The following AANAT variants were observed in gnomAD, a reference collection of about 807,000 sequenced individuals.
The protein encoded by AANAT is serotonin N-acetyltransferase.
Under a neutral mutation model 15.6 loss-of-function variants are expected in AANAT, and 11 were observed. The observed-to-expected ratio is 0.71, with a 90% CI of 0.44 to 1.17. The LOEUF (loss-of-function observed/expected upper bound fraction) is 1.17, where lower values mean the gene tolerates loss of function less well. Ranked by LOEUF, AANAT falls within the 50% of genes most tolerant of loss-of-function variation. The pLI, the probability that AANAT is intolerant of heterozygous loss-of-function variation, is 0.00. For missense variants in AANAT, 286 were observed against 296.3 expected (o/e 0.97, Z 0.26); for synonymous variants, 139 against 131.5 (o/e 1.06, Z -0.39).
rs1354499717 is a variant in AANAT at position 76,469,857 on chromosome 17, T to G, written c.511T>G (p.Phe171Val). Residue 171 changes from phenylalanine to valine, a missense_variant, in exon 4 of 4, where the codon TTC becomes GTC. Physicochemically the swap from Phe to Val is conservative, Grantham distance 50. Transcript: ENST00000392492. This position sits in a 1 kb window ranked among gnomAD's most constrained non-coding sequence, Gnocchi z 5.2. ...EDALVPFYERFSFHAVGPCAI... is the reference protein window; with the variant it reads ...EDALVPFYERVSFHAVGPCAI... ...CGCGCTGGTACCCTTCTATGAGAGG[T>G]TCAGCTTCCACGCCGTGGGCCCCTG... The G allele has an allele frequency of 4.4e-6, 7 of 1,602,840 alleles. No individual in the cohort carries two copies. The highest frequency in any genetic ancestry group is 5.1e-6 in the Non-Finnish European group (6 of 1,176,242).
At chr17:76,468,313 C>T (rs1209627922) in intron 1 of AANAT, among the ~76,000 whole-genome samples, 4 of 152,136 alleles carry the variant, frequency 2.6e-5, no homozygotes, top group Non-Finnish European at 5.9e-5. Flanking sequence ...TCCTGCCTCC[C>T]CTCCCACCGT....
rs770800832 is a variant in AANAT, at chr17:76,468,913, A to G, written c.163+4A>G. The G allele has an allele frequency of 3.1e-6, 5 of 1,612,314 alleles. No individual in the cohort carries two copies. Among genetic ancestry groups the G allele is most frequent in the Non-Finnish European group, 4.2e-6 (5 of 1,179,484 alleles). On this transcript the variant is annotated splice_donor_region_variant and intron_variant, in intron 2 of 3. Transcript: ENST00000392492. The stretch of plus-strand genomic sequence containing the variant: ...GCCTTTGAGATCGAGCGTGAAGGTG[A>G]GTGGCCCCGCACAGGGTCAGAGGGA...
In AANAT at chr17:76,469,516, T is replaced by G; in HGVS notation, c.319-149T>G. 2 of 1,204,238 alleles carry G rather than the reference T, an allele frequency of 1.7e-6. No homozygotes were observed. The highest frequency in any genetic ancestry group is 2.2e-6 in the Non-Finnish European group (2 of 890,316). The allele number at this position is 1,204,238 out of a possible 1,614,324, so 74.6% of individuals were successfully genotyped here. On this transcript the variant is annotated intron_variant, in intron 3 of 3. Coordinates refer to ENST00000392492, the MANE Select transcript of AANAT (RefSeq NM_001088.3). This position sits in a 1 kb window ranked among gnomAD's most constrained non-coding sequence, Gnocchi z 5.2. ...AGTTTTCTCCATGGGGTTGGGGGTATGGCTCCCAATTTGGGGCCCTCCTTT... is the reference window on the plus strand; with the variant it reads ...AGTTTTCTCCATGGGGTTGGGGGTAGGGCTCCCAATTTGGGGCCCTCCTTT...
rs1404298237 is a variant in AANAT at position 76,468,635 on chromosome 17, G to A, written c.-75-37G>A. The A allele has an allele frequency of 1.1e-5, 17 of 1,505,678 alleles. No individual in the cohort carries two copies. In the South Asian group the frequency reaches 1.8e-4, roughly 16 times the overall value. 93.3% of individuals were successfully genotyped at this position (1,505,678 alleles called of 1,614,324 possible). On this transcript the variant is annotated intron_variant, in intron 1 of 3. Transcript: ENST00000392492. ...CTCTGGGGCCTGCCTCCCTGGAGAT[G>A]AGGATGAGACCCCTGTCCCTTGCTG...
upstream of AANAT, among the ~76,000 whole-genome samples, chr17:76,463,525 A>G (rs2073409044): frequency 6.6e-6 from 1 of 151,778 alleles, no homozygotes; most frequent in Admixed American, 6.6e-5. Flanking sequence ...CCAGACTGCT[A>G]TTGAACTCCT....
chr17:76,463,539 C>G (rs773324684), upstream of AANAT, among the ~76,000 whole-genome samples: 3 of 151,912 alleles, frequency 2.0e-5, no homozygotes, highest in Non-Finnish European at 2.9e-5. Flanking sequence ...AACTCCTGAC[C>G]TCGAGCTATC....
chr17:76,468,585 T>C, intron 1 of AANAT, 87 bp from the exon 2 acceptor site: 1 of 1,229,978 alleles, frequency 8.1e-7, no homozygotes, highest in Admixed American at 2.6e-5. Flanking sequence ...CCCCAGTTCC[T>C]GCTACAAAAG....
intron 1 of AANAT, chr17:76,459,109 G>A (rs1412731376): frequency 1.3e-5 from 2 of 152,278 alleles, no homozygotes; most frequent in Non-Finnish European, 2.9e-5. Context: ...GCTGGCCCTT[G>A]GCCATTCTGA....
In AANAT at chr17:76,469,982, C is replaced by G. The variant is rs763559000; in HGVS notation, c.*12C>G. The G allele has an allele frequency of 9.9e-5, 145 of 1,457,506 alleles. 1 individual carries two copies. The highest frequency in any genetic ancestry group is 1.3e-4 in the Non-Finnish European group (143 of 1,100,858). The allele number at this position is 1,457,506 out of a possible 1,614,324, so 90.3% of individuals were successfully genotyped here. ...ACAGCGGCTGCTGAACTGGGCTGCC[C>G]ACCTGGCTGCCAACATGATCCCCGT... On this transcript the variant is annotated 3_prime_UTR_variant, in exon 4 of 4. Transcript: ENST00000392492. The surrounding 1 kb of genome is among the most constrained non-coding windows in gnomAD (Gnocchi z 5.2).
chr17:76,453,415 G>A (rs922496419), exon 1 of AANAT: 9 of 287,370 alleles, frequency 3.1e-5, no homozygotes, highest in African/African-American at 1.5e-4. Flanking sequence ...GAAGGGGCGG[G>A]GACCCGGGAG....
At chr17:76,467,775 T>C in intron 1 of AANAT, 48 bp downstream of exon 1, 1 of 963,284 alleles carries the variant, frequency 1.0e-6, no homozygotes, top group Non-Finnish European at 1.2e-6. Context: ...GAACAGGAGC[T>C]TCTCTACTTG....
At chr17:76,453,626 AC>A (rs1158146084) in exon 1 of AANAT, 1 of 153,368 alleles carries the variant, frequency 6.5e-6, no homozygotes, top group Non-Finnish European at 1.5e-5. Context: ...AAACAAATAC[AC>A]ATTAAATAGA....
chr17:76,455,025 G>A (rs1330646673), intron 1 of AANAT, among the ~76,000 whole-genome samples: 2 of 152,188 alleles, frequency 1.3e-5, no homozygotes, highest in African/African-American at 4.8e-5. Flanking sequence ...TACTCGGAAG[G>A]CTGAGGCAGG....
At chr17:76,464,749 C>G (rs552231153), upstream of AANAT, among the ~76,000 whole-genome samples, 1 of 151,876 alleles carries the variant, frequency 6.6e-6, no homozygotes, top group South Asian at 2.1e-4. Flanking sequence ...TCTGTTACAG[C>G]ACCCCTGGGA....
At chr17:76,459,424 C>T (rs1462045812) in intron 2 of AANAT, 1 of 152,282 alleles carries the variant, frequency 6.6e-6, no homozygotes, top group Non-Finnish European at 1.5e-5. Context: ...GAGTTCTCAT[C>T]CTGATGGATG....
chr17:76,456,334 GAAA>G (rs60616607), intron 1 of AANAT, among the ~76,000 whole-genome samples: 67,247 of 142,674 alleles, frequency 0.47, 17,560 homozygotes, highest in Non-Finnish European at 0.59. Flanking sequence ...TCCATCTCAG[GAAA>G]AAAAAAAAAA....
At chr17:76,461,160 A>G (rs1322407188) in intron 2 of AANAT, among the ~76,000 whole-genome samples, 1 of 151,418 alleles carries the variant, frequency 6.6e-6, no homozygotes, top group Non-Finnish European at 1.5e-5. Flanking sequence ...GTGAGATTCC[A>G]TCTTAAAAAA....
intron 1 of AANAT, among the ~76,000 whole-genome samples, chr17:76,458,282 C>G (rs1197629530): frequency 6.6e-6 from 1 of 152,178 alleles, no homozygotes; most frequent in African/African-American, 2.4e-5. Context: ...GGACCTCACT[C>G]AGACCCAAGA....
chr17:76,468,659 T>C lies in AANAT; in HGVS notation c.-75-13T>C. 1 of 1,537,448 alleles carries C rather than the reference T, an allele frequency of 6.5e-7. No individual in the cohort carries two copies. The highest frequency in any genetic ancestry group is 8.7e-7 in the Non-Finnish European group (1 of 1,145,576). On this transcript the variant is annotated splice_polypyrimidine_tract_variant and intron_variant, in intron 1 of 3. Transcript: ENST00000392492. Reference sequence around the variant, plus strand: ...TGAGGATGAGACCCCTGTCCCTTGCTGTTCTCCAACAGGTGCTGGGAGGCC... The same window carrying C: ...TGAGGATGAGACCCCTGTCCCTTGCCGTTCTCCAACAGGTGCTGGGAGGCC...
Sources: allele counts gnomAD v4.1 joint callset (sites outside exome capture counted in the v4.1 genomes callset), GRCh38; gene constraint gnomAD v4.1.1; non-coding constraint Gnocchi (gnomAD v3.1); transcripts MANE v1.5; gene names NCBI Gene and HGNC (gene_info 2026-07-23, HGNC 2026-07-21).